The following ZNF416 variants were observed in gnomAD, a reference collection of about 807,000 sequenced individuals.
ZNF416 encodes the protein zinc finger protein 416.
Under a neutral mutation model 10.9 loss-of-function variants are expected in ZNF416, and 5 were observed. That is an observed-to-expected ratio of 0.46 (90% CI 0.24 to 0.97). The LOEUF is 0.97. Among genes scored for constraint, ZNF416 ranks in the 50% least tolerant of loss-of-function variants. The pLI is 0.19. For synonymous variants in ZNF416, 267 were observed against 251.8 expected (o/e 1.06, Z -0.57); for missense variants, 675 against 715.0 (o/e 0.94, Z 0.64).
chr19:57,576,864 A>G (rs564344086), intron 2 of ZNF416, among the ~76,000 whole-genome samples: 57 of 152,050 alleles, frequency 3.7e-4, no homozygotes, highest in African/African-American at 1.3e-3. Context: ...TCTTGTCTCA[A>G]TTACTTCCAA....
rs532572240 is a variant in ZNF416, at chr19:57,575,637, C to T, written c.202+167G>A. Among the ~76,000 whole-genome samples, 1 of 152,240 alleles carries T rather than the reference C, an allele frequency of 6.6e-6. No individual in the cohort carries two copies. The highest frequency in any genetic ancestry group is 2.4e-5 in the African/African-American group (1 of 41,540). On this transcript the variant is annotated intron_variant, in intron 3 of 3. Transcript: ENST00000196489. This position sits in a 1 kb window ranked among gnomAD's most constrained non-coding sequence, Gnocchi z 4.4. ...CCCATCCCTGTGCATTTTGGGACAG[C>T]AAATGTCAGGGCTGATTAAGGAGTG...
intron 2 of ZNF416, 145 bp downstream of exon 2, chr19:57,577,912 G>A: frequency 1.2e-6 from 1 of 822,776 alleles, no homozygotes. Context: ...CTTCCAGCCT[G>A]GATGTATGAC....
In ZNF416 at chr19:57,578,784, G is replaced by T. The variant is rs955048118; in HGVS notation, c.-80C>A. Reference sequence around the variant, plus strand: ...AGGCACGGCTGCCACCAGCGCCAGCGACCCACCGGCTGATGCGCAGCGGGG... The same window carrying T: ...AGGCACGGCTGCCACCAGCGCCAGCTACCCACCGGCTGATGCGCAGCGGGG... On this transcript the variant is annotated 5_prime_UTR_variant, in exon 1 of 4. Transcript: ENST00000196489. 9.0e-6 allele frequency: 12 copies of T among 1,339,552 alleles called. No homozygotes were observed. Among genetic ancestry groups the T allele is most frequent in the Non-Finnish European group, 1.1e-5 (11 of 1,025,800 alleles). The allele number at this position is 1,339,552 out of a possible 1,614,324, so 83.0% of individuals were successfully genotyped here.
rs2090199367 is a variant in ZNF416, at chr19:57,572,496, C to G, written c.1408G>C (p.Glu470Gln). Residue 470 changes from glutamate to glutamine, a missense_variant, in exon 4 of 4, where the codon GAA (glutamate) becomes CAA (glutamine). By Grantham distance (29) the Glu-to-Gln change is conservative (BLOSUM62 2). Coordinates refer to ENST00000196489, the MANE Select transcript of ZNF416 (RefSeq NM_017879.3). This position sits in a 1 kb window ranked among gnomAD's most constrained non-coding sequence, Gnocchi z 4.5. ...HTAERPYVCG[E>Q]CGKAFMFKSK... Reference sequence around the variant, plus strand: ...TTGAACATAAAAGCTTTCCCACATTCCCCACATACATAAGGCCTTTCTGCA... The same window carrying G: ...TTGAACATAAAAGCTTTCCCACATTGCCCACATACATAAGGCCTTTCTGCA... 6.2e-7 allele frequency: 1 copy of G among 1,613,922 alleles called. No individual in the cohort carries two copies.
intron 2 of ZNF416, among the ~76,000 whole-genome samples, chr19:57,577,633 T>G (rs1026313695): frequency 2.6e-5 from 4 of 152,196 alleles, no homozygotes; most frequent in African/African-American, 9.6e-5. Flanking sequence ...GGGAACCTGA[T>G]GAGACCTGGA....
intron 3 of ZNF416, among the ~76,000 whole-genome samples, chr19:57,574,202 G>A (rs906216737): frequency 1.3e-5 from 2 of 152,090 alleles, no homozygotes; most frequent in Admixed American, 1.3e-4. Flanking sequence ...GATGCTTCAG[G>A]AGCTAATATT....
At position 57,572,625 on chromosome 19, in the gene ZNF416, G is replaced by T. The variant is rs867026265; in HGVS notation, c.1279C>A (p.Gln427Lys). The T allele has an allele frequency of 1.9e-6, 3 of 1,614,148 alleles. 1 individual carries two copies. The South Asian group carries it at 3.3e-5, about 18-fold the overall frequency. ...KSFSLKCGLI[Q>K]HQLIHSGARP... ...GCTCCACTGTGAATTAACTGGTGCTGAATGAGGCCACACTTTAGGCTAAAT... is the reference window on the plus strand; with the variant it reads ...GCTCCACTGTGAATTAACTGGTGCTTAATGAGGCCACACTTTAGGCTAAAT... The change falls in exon 4 of 4, where the codon CAG becomes AAG. Residue 427 changes from glutamine to lysine, a missense_variant. Coordinates refer to ENST00000196489, the MANE Select transcript of ZNF416 (RefSeq NM_017879.3). The surrounding 1 kb of genome is among the most constrained non-coding windows in gnomAD (Gnocchi z 4.5).
rs1568606529 is a variant in ZNF416 at position 57,572,814 on chromosome 19, C to G, written c.1090G>C (p.Gly364Arg). ...TGTCGAACAAGAGTGGATTTGGACC[C>G]AAAGGCTTTTCCACATTCATCACAC... is the stretch of plus-strand genomic sequence containing the variant. Reference protein sequence around the residue: ...YECDECGKAFGSKSTLVRHQR... With the variant: ...YECDECGKAFRSKSTLVRHQR... The change falls in exon 4 of 4, where the codon GGG becomes CGG. Residue 364 changes from glycine to arginine, a missense_variant. Gly to Arg is a moderately radical substitution (Grantham distance 125). Coordinates refer to ENST00000196489, the MANE Select transcript of ZNF416 (RefSeq NM_017879.3). The surrounding 1 kb of genome is among the most constrained non-coding windows in gnomAD (Gnocchi z 4.5). 4 of 1,613,580 alleles carry G rather than the reference C, an allele frequency of 2.5e-6. No individual in the cohort carries two copies. Among genetic ancestry groups the G allele is most frequent in the East Asian group, 4.5e-5 (2 of 44,788 alleles).
intron 3 of ZNF416, among the ~76,000 whole-genome samples, chr19:57,574,899 T>C (rs1033040764): frequency 3.9e-5 from 6 of 152,216 alleles, no homozygotes; most frequent in East Asian, 3.9e-4. Context: ...AAATATTTAA[T>C]TGGCATGTGC....
rs778498262 is a variant in ZNF416 at position 57,572,872 on chromosome 19, A to G, written c.1032T>C (p.His344=). The change falls in exon 4 of 4, where the codon CAT becomes CAC. Residue 344 remains histidine (H), a synonymous_variant. Transcript: ENST00000196489. This position sits in a 1 kb window ranked among gnomAD's most constrained non-coding sequence, Gnocchi z 4.5. ...SFSQSSNLIE[H]CRIHTGERPY... ...GCCTTTCTCCAGTGTGAATTCTGCA[A>G]TGTTCAATAAGGTTGGAACTTTGGC... 1.2e-6 allele frequency: 2 copies of G among 1,613,592 alleles called. No homozygotes were observed. Among genetic ancestry groups the G allele is most frequent in the African/African-American group, 2.7e-5 (2 of 74,880 alleles).
At chr19:57,574,001 G>A (rs1163811597) in intron 3 of ZNF416, among the ~76,000 whole-genome samples, 1 of 152,136 alleles carries the variant, frequency 6.6e-6, no homozygotes, top group Admixed American at 6.5e-5. Flanking sequence ...TCCAGCCTGG[G>A]AGACAAAGCG....
At chr19:57,574,566 A>T (rs1978457935) in intron 3 of ZNF416, among the ~76,000 whole-genome samples, 1 of 152,236 alleles carries the variant, frequency 6.6e-6, no homozygotes, top group East Asian at 1.9e-4. Flanking sequence ...AAGCACCTTC[A>T]CATATACATC....
In ZNF416 at chr19:57,573,224, T is replaced by G. The variant is rs751050212; in HGVS notation, c.680A>C (p.Lys227Thr). 1.2e-6 allele frequency: 2 copies of G among 1,614,254 alleles called. No homozygotes were observed. The highest frequency in any genetic ancestry group is 2.2e-5 in the South Asian group (2 of 91,086). Residue 227 changes from lysine (K) to threonine (T), a missense_variant, in exon 4 of 4, where the codon AAA (lysine) becomes ACA (threonine). Physicochemically the swap from Lys to Thr is moderately conservative, Grantham distance 78. Transcript: ENST00000196489. ...GACTCTAGGGTGAAAAAAAGTGTGT[T>G]TGTGGCTGGACTCTCTCCTGCATTG... ...WSQCRRESSH[K>T]HTFFHPRVCT...
chr19:57,573,510 C>A lies in ZNF416; in HGVS notation c.394G>T (p.Ala132Ser). The part of the protein sequence containing the change: ...LPGQELYLTG[A>S]CAVFHQDQKH... ...TGGTCCTGGTGAAAGACCGCACATG[C>A]CCCAGTCAAGTATAGTTCCTGCCCA... Residue 132 changes from alanine (A) to serine (S), a missense_variant, in exon 4 of 4, where the codon GCA becomes TCA. Coordinates refer to ENST00000196489, the MANE Select transcript of ZNF416 (RefSeq NM_017879.3). 1 of 1,614,194 alleles carries A rather than the reference C, an allele frequency of 6.2e-7. No individual in the cohort carries two copies. Among genetic ancestry groups the A allele is most frequent in the Non-Finnish European group, 8.5e-7 (1 of 1,180,048 alleles).
intron 2 of ZNF416, among the ~76,000 whole-genome samples, chr19:57,576,318 T>A (rs1041577181): frequency 6.6e-6 from 1 of 152,118 alleles, no homozygotes; most frequent in Non-Finnish European, 1.5e-5. Context: ...CCTCTCCATA[T>A]GCACATCACT....
intron 2 of ZNF416, among the ~76,000 whole-genome samples, chr19:57,576,702 C>T (rs1978549650): frequency 6.6e-6 from 1 of 151,928 alleles, no homozygotes; most frequent in Non-Finnish European, 1.5e-5. Context: ...CCAGGGGACC[C>T]CCACACCTCA....
Position 57,572,066 on chromosome 19 carries a change from A to C in ZNF416, c.*53T>G. On this transcript the variant is annotated 3_prime_UTR_variant, in exon 4 of 4. Coordinates refer to ENST00000196489, the MANE Select transcript of ZNF416 (RefSeq NM_017879.3). This position sits in a 1 kb window ranked among gnomAD's most constrained non-coding sequence, Gnocchi z 4.5. ...TATAGCCATAACACTGAAGAAAGAC[A>C]TGGCACATTCCCTGCAGGTCTAAGG... 1 of 1,565,206 alleles carries C rather than the reference A, an allele frequency of 6.4e-7. No individual in the cohort carries two copies. Among genetic ancestry groups the C allele is most frequent in the Non-Finnish European group, 8.7e-7 (1 of 1,153,896 alleles).
rs1405905563 is a variant in ZNF416 at position 57,575,731 on chromosome 19, C to G, written c.202+73G>C. The stretch of plus-strand genomic sequence containing the variant: ...TGGGGAAGTCAGCAAAGCCCACGGT[C>G]CGGCAGAGCTGCCTCTGAGGAAAAA... On this transcript the variant is annotated intron_variant, in intron 3 of 3. Transcript: ENST00000196489. This position sits in a 1 kb window ranked among gnomAD's most constrained non-coding sequence, Gnocchi z 4.4. 6.2e-7 allele frequency: 1 copy of G among 1,604,676 alleles called. No individual in the cohort carries two copies. The highest frequency in any genetic ancestry group is 8.5e-7 in the Non-Finnish European group (1 of 1,172,136).
rs1978641415 is a variant in ZNF416, at chr19:57,578,656, G to C, written c.33+16C>G. The C allele has an allele frequency of 6.5e-7, 1 of 1,549,348 alleles. No homozygotes were observed. Among genetic ancestry groups the C allele is most frequent in the Non-Finnish European group, 8.7e-7 (1 of 1,149,070 alleles). ...GGCGGAGAGGGCAGGTGAGGCCCGG[G>C]AGACGCAGCACTCACCGAAGTCGAA... On this transcript the variant is annotated intron_variant, in intron 1 of 3. Transcript: ENST00000196489.
Sources: gnomAD v4.1 joint callset for allele counts (sites outside exome capture counted in the v4.1 genomes callset) on GRCh38, gnomAD v4.1.1 for gene constraint, Gnocchi (gnomAD v3.1) non-coding constraint, MANE v1.5 for transcripts, NCBI Gene and HGNC (gene_info 2026-07-23, HGNC 2026-07-21) for gene names.